FRMD8: variants seen among roughly 807,000 people sequenced by gnomAD.
FRMD8 encodes the protein FERM domain containing 8.
Under a neutral mutation model 54.2 loss-of-function variants are expected in FRMD8, and 37 were observed. That is an observed-to-expected ratio of 0.68 (90% CI 0.53 to 0.90). FRMD8 has a LOEUF of 0.90. Ranked by LOEUF, FRMD8 falls within the 40% of genes least tolerant of loss-of-function variation. The pLI is 0.00. For missense variants in FRMD8, 585 were observed against 653.7 expected, an observed-to-expected ratio of 0.89 and a Z score of 1.15; for synonymous variants, 246 against 286.9, an observed-to-expected ratio of 0.86 and a Z score of 1.44.
intron 6 of FRMD8, among the ~76,000 whole-genome samples, chr11:65,394,669 T>C (rs1001168628): frequency 6.6e-6 from 1 of 152,162 alleles, no homozygotes; most frequent in Non-Finnish European, 1.5e-5. Context: ...GAGCCCTGCC[T>C]CCTGCCGGCC....
chr11:65,394,400 G>T lies in FRMD8; in HGVS notation c.556G>T (p.Gly186Cys), dbSNP rs778986888. ...CGTGCAGCTTGGGCCCTACCAGCCC[G>T]GCCGGCCGGCAGCCTGCGACCTGAG... The part of the protein sequence containing the change: ...CRVQLGPYQP[G>C]RPAACDLREK... The change falls in exon 6 of 11, where the codon GGC becomes TGC. Residue 186 changes from glycine (G) to cysteine (C), a missense_variant. Physicochemically the swap from Gly to Cys is radical, Grantham distance 159 (BLOSUM62 -3). Coordinates refer to ENST00000317568, the MANE Select transcript of FRMD8 (RefSeq NM_031904.5). 5.1e-6 allele frequency: 8 copies of T among 1,569,770 alleles called. No homozygotes were observed. The East Asian group carries it at 1.4e-4, about 28-fold the overall frequency.
chr11:65,399,631 G>A (rs1292977342), intron 7 of FRMD8, 105 bp from the exon 8 acceptor site: 1 of 1,424,274 alleles, frequency 7.0e-7, no homozygotes, highest in Non-Finnish European at 9.5e-7. Context: ...GCGGGTTTCA[G>A]TCACCCAAAC....
At chr11:65,387,687 C>T (rs1336500480) in intron 2 of FRMD8, among the ~76,000 whole-genome samples, 2 of 152,022 alleles carry the variant, frequency 1.3e-5, no homozygotes, top group Non-Finnish European at 2.9e-5. Flanking sequence ...TACAGGCGCC[C>T]GCCACCACGC....
chr11:65,377,121 G>C, the FRMD8 span: 3 of 1,587,994 alleles, frequency 1.9e-6, no homozygotes, highest in Non-Finnish European at 2.6e-6. Flanking sequence ...GCTTTGGGCT[G>C]GGAACTGGCC....
intron 3 of FRMD8, among the ~76,000 whole-genome samples, chr11:65,393,164 G>A (rs576066054): frequency 6.6e-6 from 1 of 152,318 alleles, no homozygotes; most frequent in East Asian, 1.9e-4. Context: ...TCTGCCAGTG[G>A]GGGGGCAAGG....
At chr11:65,391,168 GTTGTC>G (rs2137872245) in intron 3 of FRMD8, among the ~76,000 whole-genome samples, 1 of 152,362 alleles carries the variant, frequency 6.6e-6, no homozygotes, top group South Asian at 2.1e-4. Context: ...TCTCAATGTC[GTTGTC>G]ACTCTGCGTG....
chr11:65,401,518 C>T (rs1038575120), intron 9 of FRMD8, among the ~76,000 whole-genome samples: 1 of 150,652 alleles, frequency 6.6e-6, no homozygotes, highest in Non-Finnish European at 1.5e-5. Flanking sequence ...CATTCCACAC[C>T]TCTCCGGCTT....
At chr11:65,410,798 CAA>C (rs748429867) in intron 10 of FRMD8, among the ~76,000 whole-genome samples, 12 of 150,374 alleles carry the variant, frequency 8.0e-5, no homozygotes, top group African/African-American at 2.2e-4. Context: ...TCAAAACAAA[CAA>C]AAAAAAACAA....
chr11:65,380,029 G>A, the FRMD8 span: 1 of 1,585,488 alleles, frequency 6.3e-7, no homozygotes, highest in Non-Finnish European at 8.7e-7. Context: ...CCAACCAGCA[G>A]GAGAGGCAGG....
intron 5 of FRMD8, 74 bp from the exon 6 acceptor site, chr11:65,394,185 T>C: frequency 6.3e-7 from 1 of 1,597,896 alleles, no homozygotes; most frequent in Non-Finnish European, 8.5e-7. Context: ...ATTCGCACCT[T>C]GCCCCAGCCC....
chr11:65,396,970 C>T lies in FRMD8; in HGVS notation c.753C>T (p.Gly251=), dbSNP rs769122405. Reference sequence around the variant, plus strand: ...ACGGCGGGTGCGAGGCCGCCCTGGGCACCCACTACCGCGCCTATCTCCTCA... The same window carrying T: ...ACGGCGGGTGCGAGGCCGCCCTGGGTACCCACTACCGCGCCTATCTCCTCA... ...SSDGGCEAAL[G]THYRAYLLKC... is the part of the protein sequence containing the mutation. The change falls in exon 7 of 11, where the codon GGC becomes GGT. Residue 251 remains glycine, a synonymous_variant. Coordinates refer to ENST00000317568, the MANE Select transcript of FRMD8 (RefSeq NM_031904.5). The T allele has an allele frequency of 3.3e-6, 5 of 1,502,794 alleles. No individual in the cohort carries two copies. Among genetic ancestry groups the T allele is most frequent in the African/African-American group, 1.4e-5 (1 of 71,028 alleles). The allele number at this position is 1,502,794 out of a possible 1,614,324, so 93.1% of individuals were successfully genotyped here. A position where few individuals can be genotyped will look rare whatever the true frequency, so the allele number is the denominator to read the frequency against.
chr11:65,400,874 CG>C lies in FRMD8; in HGVS notation c.1071+10del. 6.3e-7 allele frequency: 1 copy of C among 1,594,096 alleles called. No individual in the cohort carries two copies. The highest frequency in any genetic ancestry group is 8.6e-7 in the Non-Finnish European group (1 of 1,169,000). On this transcript the variant is annotated splice_region_variant and intron_variant, in intron 9 of 10. Coordinates refer to ENST00000317568, the MANE Select transcript of FRMD8 (RefSeq NM_031904.5). The surrounding 1 kb of genome is among the most constrained non-coding windows in gnomAD (Gnocchi z 4.3). ...CAAGATCTACTCCAAGCAGGTAGCGCGGGTGGTGCCTGCACACGGGTGGGGA... is the reference window on the plus strand; with the variant it reads ...CAAGATCTACTCCAAGCAGGTAGCGCGGTGGTGCCTGCACACGGGTGGGGA...
At chr11:65,379,149 G>T in the FRMD8 span, 1 of 558,318 alleles carries the variant, frequency 1.8e-6, no homozygotes, top group Non-Finnish European at 3.2e-6. Flanking sequence ...GCTTCTCCCA[G>T]CACCCTCTTG....
At chr11:65,381,232 G>A in the FRMD8 span, 10 of 153,204 alleles carry the variant, frequency 6.5e-5, no homozygotes, top group African/African-American at 2.4e-4. Context: ...CTGAGCTTAA[G>A]GGCTCCTTCC....
the FRMD8 span, chr11:65,380,176 C>T: frequency 1.2e-6 from 2 of 1,614,200 alleles, no homozygotes. Context: ...CCCAGAGCGC[C>T]TGTGGTGACA....
the FRMD8 span, among the ~76,000 whole-genome samples, chr11:65,372,570 A>C: frequency 5.3e-5 from 8 of 151,846 alleles, no homozygotes; most frequent in Non-Finnish European, 1.2e-4. Flanking sequence ...AACTAAAGCC[A>C]AAAAAAATAG....
intron 7 of FRMD8, among the ~76,000 whole-genome samples, chr11:65,398,638 A>C (rs556004801): frequency 6.6e-6 from 1 of 152,360 alleles, no homozygotes; most frequent in African/African-American, 2.4e-5. Flanking sequence ...CAGCTGTCAC[A>C]ACTCTGCTGT....
chr11:65,397,136 G>A (rs951584434), intron 7 of FRMD8, 116 bp downstream of exon 7: 38 of 578,542 alleles, frequency 6.6e-5, no homozygotes, highest in Admixed American at 2.0e-4. Context: ...CCCATGAAGT[G>A]GTGTCTTGTC....
intron 6 of FRMD8, among the ~76,000 whole-genome samples, chr11:65,394,695 G>A (rs1041285731): frequency 6.6e-6 from 1 of 152,198 alleles, no homozygotes; most frequent in Admixed American, 6.5e-5. Flanking sequence ...CAGAGGAGCT[G>A]GGCTTTTGGA....
Sources: allele counts gnomAD v4.1 joint callset (sites outside exome capture counted in the v4.1 genomes callset), GRCh38; gene constraint gnomAD v4.1.1; non-coding constraint Gnocchi (gnomAD v3.1); transcripts MANE v1.5; gene names NCBI Gene and HGNC (gene_info 2026-07-23, HGNC 2026-07-21).